The following ZFYVE9 variants were observed in gnomAD, a reference collection of about 807,000 sequenced individuals.
ZFYVE9 encodes zinc finger FYVE-type containing 9, also known as zinc finger FYVE domain-containing protein 9.
In ZFYVE9, 43 loss-of-function variants were observed where a neutral mutation model predicts 126.7. The observed-to-expected ratio is 0.34, with a 90% CI of 0.27 to 0.44. The LOEUF (loss-of-function observed/expected upper bound fraction) is 0.44. ZFYVE9 is among the 20% of genes least tolerant of loss of function. The pLI is 1.00. For missense variants in ZFYVE9, 1,476 were observed against 1,697.0 expected (o/e 0.87, Z 2.29); for synonymous variants, 521 against 597.4 (o/e 0.87, Z 1.87).
chr1:52,257,428 A>G (rs1294495657), intron 4 of ZFYVE9, among the ~76,000 whole-genome samples: 1 of 152,228 alleles, frequency 6.6e-6, no homozygotes, highest in Non-Finnish European at 1.5e-5. Flanking sequence ...AAAAAATTAC[A>G]TATAAACACA....
chr1:52,219,790 TGTGTGTGTGTGTGG>T (rs925929193), intron 2 of ZFYVE9, among the ~76,000 whole-genome samples: 1 of 150,026 alleles, frequency 6.7e-6, no homozygotes, highest in Non-Finnish European at 1.5e-5. Context: ...TGTGTGTGTG[TGTGTGTGTGTGTGG>T]CAGAGTCTTA....
intron 4 of ZFYVE9, among the ~76,000 whole-genome samples, chr1:52,247,833 T>C (rs1260071973): frequency 6.6e-6 from 1 of 152,084 alleles, no homozygotes; most frequent in East Asian, 1.9e-4. Context: ...TTCCCATCTT[T>C]CCTTGCCCCT....
At chr1:52,143,010 TTTATA>T (rs1438117937) in intron 1 of ZFYVE9, among the ~76,000 whole-genome samples, 1 of 152,202 alleles carries the variant, frequency 6.6e-6, no homozygotes, top group Non-Finnish European at 1.5e-5. Flanking sequence ...TTCCTGCCTC[TTTATA>T]TTATATCTTG....
intron 4 of ZFYVE9, among the ~76,000 whole-genome samples, chr1:52,248,055 T>G (rs1333248443): frequency 1.3e-5 from 2 of 152,170 alleles, no homozygotes; most frequent in Non-Finnish European, 2.9e-5. Flanking sequence ...TATGTATATA[T>G]ACGAGAGTTT....
At chr1:52,267,875 T>C (rs1645649287) in intron 6 of ZFYVE9, among the ~76,000 whole-genome samples, 1 of 152,240 alleles carries the variant, frequency 6.6e-6, no homozygotes, top group African/African-American at 2.4e-5. Context: ...AAATTACTTT[T>C]GCACTGCCAG....
intron 18 of ZFYVE9, 59 bp downstream of exon 18, chr1:52,345,003 C>G: frequency 6.3e-7 from 1 of 1,584,442 alleles, no homozygotes; most frequent in Non-Finnish European, 8.6e-7. Flanking sequence ...GTATTTCTGA[C>G]GTGAGTTTTT....
Position 52,239,382 on chromosome 1 carries a change from G to T in ZFYVE9, c.1965G>T (p.Glu655Asp), listed in dbSNP as rs149605221. The stretch of plus-strand genomic sequence containing the variant: ...AACATTTAGAAAGTTATGAGGCTGA[G>T]ATCTCCACTAGACCATGCCTTGCAT... ...NGEHLESYEA[E>D]ISTRPCLALA... The change falls in exon 4 of 19, where the codon GAG (glutamate) becomes GAT (aspartate). Residue 655 changes from glutamate (E) to aspartate (D), a missense_variant. Physicochemically the swap from Glu to Asp is conservative, Grantham distance 45 (BLOSUM62 2). Coordinates refer to ENST00000287727, the MANE Select transcript of ZFYVE9 (RefSeq NM_004799.4). The T allele has an allele frequency of 3.7e-6, 6 of 1,614,068 alleles. No homozygotes were observed. The highest frequency in any genetic ancestry group is 5.1e-6 in the Non-Finnish European group (6 of 1,180,022).
chr1:52,148,104 T>C (rs1328171067), intron 1 of ZFYVE9, among the ~76,000 whole-genome samples: 1 of 152,016 alleles, frequency 6.6e-6, no homozygotes, highest in African/African-American at 2.4e-5. Context: ...TTACAGTCAT[T>C]AGGTAAATTG....
intron 13 of ZFYVE9, among the ~76,000 whole-genome samples, chr1:52,330,079 C>A (rs1646326751): frequency 6.6e-6 from 1 of 151,596 alleles, no homozygotes; most frequent in African/African-American, 2.4e-5. Flanking sequence ...AAAAGACAAC[C>A]CAGTTAAAAA....
intron 4 of ZFYVE9, among the ~76,000 whole-genome samples, chr1:52,242,167 G>T (rs1645340968): frequency 6.6e-6 from 1 of 151,876 alleles, no homozygotes; most frequent in African/African-American, 2.4e-5. Flanking sequence ...GAGTAGCTGG[G>T]ACCACAGGCA....
chr1:52,158,610 A>C (rs1004364360), intron 1 of ZFYVE9, among the ~76,000 whole-genome samples: 1 of 152,170 alleles, frequency 6.6e-6, no homozygotes, highest in Admixed American at 6.5e-5. Flanking sequence ...GCATTCAGCC[A>C]CCGTGAAGCA....
At chr1:52,289,536 T>C (rs964433525) in intron 10 of ZFYVE9, among the ~76,000 whole-genome samples, 4 of 152,324 alleles carry the variant, frequency 2.6e-5, no homozygotes, top group African/African-American at 9.6e-5. Flanking sequence ...TATATAAAAT[T>C]AGTTCTGTGG....
At chr1:52,240,381 A>G (rs1645321051) in intron 4 of ZFYVE9, among the ~76,000 whole-genome samples, 1 of 152,322 alleles carries the variant, frequency 6.6e-6, no homozygotes, top group Admixed American at 6.5e-5. Context: ...ATCTGTAAAA[A>G]CAAACCAAAA....
At chr1:52,326,078 G>A (rs929864906) in intron 13 of ZFYVE9, among the ~76,000 whole-genome samples, 7 of 152,188 alleles carry the variant, frequency 4.6e-5, no homozygotes, top group African/African-American at 1.7e-4. Flanking sequence ...TGCTCCTGTA[G>A]CATTTAGCTC....
chr1:52,304,895 T>C (rs1052736632), intron 13 of ZFYVE9, among the ~76,000 whole-genome samples: 1 of 152,148 alleles, frequency 6.6e-6, no homozygotes, highest in African/African-American at 2.4e-5. Context: ...AATCCTGCCT[T>C]GGAGTATCAA....
intron 13 of ZFYVE9, among the ~76,000 whole-genome samples, chr1:52,331,277 G>A (rs189761873): frequency 1.3e-5 from 2 of 152,176 alleles, no homozygotes; most frequent in African/African-American, 4.8e-5. Context: ...TTGGACAAAT[G>A]GGATGACATG....
rs1329830496 is a variant in ZFYVE9 at position 52,237,606 on chromosome 1, T to G, written c.189T>G (p.Asn63Lys). The G allele has an allele frequency of 2.5e-6, 4 of 1,614,094 alleles. No individual in the cohort carries two copies. Among genetic ancestry groups the G allele is most frequent in the Non-Finnish European group, 3.4e-6 (4 of 1,179,958 alleles). The change falls in exon 4 of 19, where the codon AAT becomes AAG. Residue 63 changes from asparagine to lysine, a missense_variant. Asn to Lys is a moderately conservative substitution (Grantham distance 94, BLOSUM62 0). Around this residue, in one of 2 missense-constraint regions of ZFYVE9, gnomAD observed 807 missense variants for 794.6 expected, o/e 1.02. Transcript: ENST00000287727. ...LASVNESAVS[N>K]ESQPQLKVFS... Reference sequence around the variant, plus strand: ...GTGTGAATGAATCTGCAGTTTCTAATGAGTCACAACCACAACTGAAAGTCT... The same window carrying G: ...GTGTGAATGAATCTGCAGTTTCTAAGGAGTCACAACCACAACTGAAAGTCT...
At chr1:52,177,560 C>T (rs1184908874) in intron 1 of ZFYVE9, among the ~76,000 whole-genome samples, 1 of 152,206 alleles carries the variant, frequency 6.6e-6, no homozygotes, top group Admixed American at 6.5e-5. Context: ...AATAAGACAT[C>T]TGTGCCATCA....
In ZFYVE9 at chr1:52,252,623, G is replaced by A. The variant is rs1251603555; in HGVS notation, c.2179-11150G>A. On this transcript the variant is annotated intron_variant, in intron 4 of 18. Coordinates refer to ENST00000287727, the MANE Select transcript of ZFYVE9 (RefSeq NM_004799.4). Reference sequence around the variant, plus strand: ...TACGCCCACCTTGGCCTCCCAAAGTGCTGGAATTACAGGCATGAGCCACCA... The same window carrying A: ...TACGCCCACCTTGGCCTCCCAAAGTACTGGAATTACAGGCATGAGCCACCA... 1.1e-5 allele frequency: 3 copies of A among 273,134 alleles called. No homozygotes were observed. In the Admixed American group the frequency reaches 1.2e-4, roughly 11 times the overall value. 16.9% of individuals were successfully genotyped at this position (273,134 alleles called of 1,614,324 possible).
Sources: gnomAD v4.1 joint callset for allele counts (sites outside exome capture counted in the v4.1 genomes callset) on GRCh38, gnomAD v4.1.1 for gene constraint, gnomAD v4.1.1 regional missense constraint, MANE v1.5 for transcripts, NCBI Gene and HGNC (gene_info 2026-07-23, HGNC 2026-07-21) for gene names.